DET1: variants seen among roughly 807,000 people sequenced by gnomAD.
The protein encoded by DET1 is DET1 homolog.
DET1 carries 22 observed loss-of-function variants against 43.7 expected under a neutral mutation model. The observed-to-expected ratio is 0.50, with a 90% CI of 0.36 to 0.72. DET1 has a LOEUF of 0.72. Ranked by LOEUF, DET1 falls within the 30% of genes least tolerant of loss-of-function variation. The probability of loss-of-function intolerance (pLI) is 0.00; values close to 1 mark genes in which losing one functional copy is unlikely to be tolerated. For missense variants in DET1, 713 were observed against 713.3 expected (o/e 1.00, Z 0.00); for synonymous variants, 315 against 266.2 (o/e 1.18, Z -1.79).
At position 88,504,507 on chromosome 15, in the gene DET1, G is replaced by C. The variant is rs1315675947; in HGVS notation, c.*2066-520C>G. On this transcript the variant is annotated intron_variant and NMD_transcript_variant, in intron 7 of 8. Coordinates refer to the DET1 transcript ENST00000557842. The surrounding 1 kb of genome is among the most constrained non-coding windows in gnomAD (Gnocchi z 4.7). ...ATCATTTTTATATTATATTAACCATGCCTTTTGTTTTCTGATGACTTGACA... is the reference window on the plus strand; with the variant it reads ...ATCATTTTTATATTATATTAACCATCCCTTTTGTTTTCTGATGACTTGACA... The C allele has an allele frequency of 6.6e-6, 1 of 152,126 alleles. No homozygotes were observed. Among genetic ancestry groups the C allele is most frequent in the East Asian group, 1.9e-4 (1 of 5,198 alleles). 9.4% of individuals were successfully genotyped at this position (152,126 alleles called of 1,614,324 possible).
At chr15:88,540,772 T>A (rs1202947291) in intron 1 of DET1, among the ~76,000 whole-genome samples, 3 of 142,942 alleles carry the variant, frequency 2.1e-5, no homozygotes, top group African/African-American at 5.5e-5. Flanking sequence ...GTTAAACAGA[T>A]GCTTGAGGGC....
downstream of DET1, among the ~76,000 whole-genome samples, chr15:88,508,182 A>G (rs2056162187): frequency 6.6e-6 from 1 of 152,234 alleles, no homozygotes. Flanking sequence ...TGAGCTGTAT[A>G]ATTATTTCAT....
chr15:88,506,961 G>C (rs1342003310), intron 7 of DET1, among the ~76,000 whole-genome samples: 1 of 152,180 alleles, frequency 6.6e-6, no homozygotes, highest in African/African-American at 2.4e-5. Flanking sequence ...AGATTCTTGA[G>C]ATCCATCAGA....
intron 1 of DET1, among the ~76,000 whole-genome samples, chr15:88,539,981 C>T (rs1050907430): frequency 6.6e-6 from 1 of 151,800 alleles, no homozygotes; most frequent in Non-Finnish European, 1.5e-5. Flanking sequence ...TGCTTTACTT[C>T]GTTTAGACTC....
At chr15:88,542,230 G>A (rs186931644) in intron 1 of DET1, among the ~76,000 whole-genome samples, 24 of 152,106 alleles carry the variant, frequency 1.6e-4, no homozygotes, top group African/African-American at 5.6e-4. Flanking sequence ...TGCATTAACC[G>A]GTAGGCCTGA....
chr15:88,530,551 TAAAC>T (rs1239283917), intron 2 of DET1, 68 bp downstream of exon 2: 28 of 1,521,558 alleles, frequency 1.8e-5, no homozygotes, highest in East Asian at 1.6e-4. Context: ...GGGTGGGCTA[TAAAC>T]AAACAGAGAA....
At chr15:88,539,053 C>A (rs1413605567) in intron 1 of DET1, among the ~76,000 whole-genome samples, 1 of 151,898 alleles carries the variant, frequency 6.6e-6, no homozygotes, top group Non-Finnish European at 1.5e-5. Context: ...TAGCTGAAGA[C>A]CCAGGATGCT....
At chr15:88,518,674 T>C (rs1309276521) in intron 3 of DET1, among the ~76,000 whole-genome samples, 1 of 152,216 alleles carries the variant, frequency 6.6e-6, no homozygotes, top group Admixed American at 6.5e-5. Context: ...GCATATCATA[T>C]GGTTCAACAA....
At chr15:88,535,758 GAAAGAAAA>G (rs1430150717) in intron 1 of DET1, among the ~76,000 whole-genome samples, 1 of 133,402 alleles carries the variant, frequency 7.5e-6, no homozygotes, top group African/African-American at 2.8e-5. Context: ...TCTGTCAAAA[GAAAGAAAA>G]AAAGAAAGAA....
At position 88,512,685 on chromosome 15, in the gene DET1, A is replaced by G. The variant is rs1428198822; in HGVS notation, c.*266T>C. 4.2e-6 allele frequency: 5 copies of G among 1,201,334 alleles called. No individual in the cohort carries two copies. The African/African-American group carries it at 6.2e-5, about 15-fold the overall frequency. The allele number at this position is 1,201,334 out of a possible 1,614,324, so 74.4% of individuals were successfully genotyped here. ...CAGCAATCAAATGCAAAGTAAAGCAAAAATGAAATGGACTTAATTAATGCT... is the reference window on the plus strand; with the variant it reads ...CAGCAATCAAATGCAAAGTAAAGCAGAAATGAAATGGACTTAATTAATGCT... On this transcript the variant is annotated 3_prime_UTR_variant, in exon 5 of 5. Coordinates refer to ENST00000268148, the MANE Select transcript of DET1 (RefSeq NM_001144074.3).
At chr15:88,517,021 G>A (rs751133030) in intron 3 of DET1, 48 bp from the exon 4 acceptor site, 58 of 1,395,978 alleles carry the variant, frequency 4.2e-5, no homozygotes, top group Middle Eastern at 1.8e-4. Flanking sequence ...AGTACACAAA[G>A]CTGTCTTGAA....
At chr15:88,538,835 C>G (rs1190149111) in intron 1 of DET1, among the ~76,000 whole-genome samples, 1 of 152,178 alleles carries the variant, frequency 6.6e-6, no homozygotes, top group African/African-American at 2.4e-5. Flanking sequence ...ACATCTGAGT[C>G]CTCAGCTTCT....
chr15:88,529,150 C>T (rs1031455247), intron 2 of DET1, among the ~76,000 whole-genome samples: 6 of 152,160 alleles, frequency 3.9e-5, no homozygotes, highest in African/African-American at 1.4e-4. Context: ...AAAGGATAAT[C>T]TCAAAGGCAG....
chr15:88,540,179 G>T (rs566973207), intron 1 of DET1, among the ~76,000 whole-genome samples: 1 of 152,168 alleles, frequency 6.6e-6, no homozygotes, highest in African/African-American at 2.4e-5. Flanking sequence ...TAAGCTATTT[G>T]CCTTTGAGTC....
At chr15:88,518,380 C>G (rs895585311) in intron 3 of DET1, among the ~76,000 whole-genome samples, 1 of 152,022 alleles carries the variant, frequency 6.6e-6, no homozygotes, top group African/African-American at 2.4e-5. Flanking sequence ...AATTAAAAAG[C>G]TAATGGAAAA....
Position 88,516,791 on chromosome 15 carries a change from T to G in DET1, c.1454A>C (p.His485Pro). 4 of 1,578,082 alleles carry G rather than the reference T, an allele frequency of 2.5e-6. No individual in the cohort carries two copies. The highest frequency in any genetic ancestry group is 2.6e-6 in the Non-Finnish European group (3 of 1,166,168). ...VMERPKTCGDHPIRFYARDSG... is the reference protein window; with the variant it reads ...VMERPKTCGDPPIRFYARDSG... ...AGCAGTGACACTGTACCTGATTGGG[T>G]GATCTCCACAAGTCTTGGGCCGCTC... is the stretch of plus-strand genomic sequence containing the variant. Residue 485 changes from histidine (H) to proline (P), a missense_variant, in exon 4 of 5, where the codon CAC becomes CCC. Physicochemically the swap from His to Pro is moderately conservative, Grantham distance 77. Coordinates refer to ENST00000268148, the MANE Select transcript of DET1 (RefSeq NM_001144074.3). This position sits in a 1 kb window ranked among gnomAD's most constrained non-coding sequence, Gnocchi z 4.4.
At chr15:88,510,797 G>C (rs1159382848), downstream of DET1, among the ~76,000 whole-genome samples, 111 of 136,522 alleles carry the variant, frequency 8.1e-4, no homozygotes, top group African/African-American at 2.7e-3. Flanking sequence ...GACAGAGTCT[G>C]GCTCTGTCCC....
intron 3 of DET1, among the ~76,000 whole-genome samples, chr15:88,524,821 C>T (rs2056617522): frequency 6.6e-6 from 1 of 152,186 alleles, no homozygotes. Context: ...CGGAAGGCCA[C>T]AGGGTCCTCT....
At chr15:88,529,132 AAAG>A (rs999846415) in intron 2 of DET1, among the ~76,000 whole-genome samples, 4 of 152,238 alleles carry the variant, frequency 2.6e-5, no homozygotes, top group African/African-American at 9.6e-5. Context: ...ACCTTTTAGC[AAAG>A]AAGAAAAGGA....
Sources: gnomAD v4.1 joint callset for allele counts (sites outside exome capture counted in the v4.1 genomes callset) on GRCh38, gnomAD v4.1.1 for gene constraint, Gnocchi (gnomAD v3.1) non-coding constraint, MANE v1.5 for transcripts, NCBI Gene and HGNC (gene_info 2026-07-23, HGNC 2026-07-21) for gene names.